Variants in YWHAE observed in about 807,000 individuals in gnomAD.
YWHAE encodes 14-3-3 protein epsilon.
Under a neutral mutation model 30.1 loss-of-function variants are expected in YWHAE, and 4 were observed. The observed-to-expected ratio is 0.13, with a 90% CI of 0.07 to 0.30. The LOEUF (loss-of-function observed/expected upper bound fraction) is 0.30. YWHAE is among the 10% of genes least tolerant of loss of function. YWHAE has a pLI of 1.00. For missense variants in YWHAE, 121 were observed against 315.9 expected (o/e 0.38, Z 4.68); for synonymous variants, 118 against 111.8 (o/e 1.06, Z -0.35).
At chr17:1,392,147 T>C (rs1460960069) in intron 1 of YWHAE, among the ~76,000 whole-genome samples, 1 of 151,794 alleles carries the variant, frequency 6.6e-6, no homozygotes, top group East Asian at 1.9e-4. Flanking sequence ...AATGTGACAC[T>C]GCATCCCAGC....
rs531881684 is a variant in YWHAE at position 1,357,755 on chromosome 17, A to C, written c.578+3337T>G. Among the ~76,000 whole-genome samples, 237 of 151,462 alleles carry C rather than the reference A, an allele frequency of 1.6e-3. 1 individual carries two copies. Among genetic ancestry groups the C allele is most frequent in the African/African-American group, 5.4e-3 (222 of 41,272 alleles). Reference sequence around the variant, plus strand: ...AGCCTGGCCAACACTGTGAAAACCCATCTCTACATAAAAATACAAAAATTA... The same window carrying C: ...AGCCTGGCCAACACTGTGAAAACCCCTCTCTACATAAAAATACAAAAATTA... On this transcript the variant is annotated intron_variant, in intron 4 of 5. Transcript: ENST00000264335.
At chr17:1,354,971 T>TTTG (rs2072705768) in intron 4 of YWHAE, among the ~76,000 whole-genome samples, 1 of 48,866 alleles carries the variant, frequency 2.0e-5, no homozygotes, top group Non-Finnish European at 3.3e-5. Context: ...CTAGTTTTTT[T>TTTG]TTTTTTTTTT....
At chr17:1,386,636 G>A (rs553811995) in intron 1 of YWHAE, among the ~76,000 whole-genome samples, 1 of 152,202 alleles carries the variant, frequency 6.6e-6, no homozygotes, top group African/African-American at 2.4e-5. Context: ...CTATACAGAG[G>A]TACCTCTCCT....
chr17:1,370,165 T>TTG (rs1454112916), intron 1 of YWHAE, among the ~76,000 whole-genome samples: 6 of 134,654 alleles, frequency 4.5e-5, no homozygotes, highest in Admixed American at 1.7e-4. Context: ...TCTCGCTCTG[T>TTG]CACCAGGCTG....
intron 1 of YWHAE, 176 bp downstream of exon 1, chr17:1,399,871 C>T: frequency 1.3e-6 from 1 of 743,506 alleles, no homozygotes; most frequent in Non-Finnish European, 2.3e-6. Context: ...GGTCACATTC[C>T]AGGGCATAGA....
chr17:1,373,174 C>T (rs553318457), intron 1 of YWHAE, among the ~76,000 whole-genome samples: 5 of 151,724 alleles, frequency 3.3e-5, no homozygotes, highest in East Asian at 3.9e-4. Context: ...ACTCAGGAGG[C>T]GGAACTTGCG....
rs1252512460 is a variant in YWHAE, at chr17:1,361,782, A to G, written c.371+120T>C. On this transcript the variant is annotated intron_variant, in intron 3 of 5. Coordinates refer to ENST00000264335, the MANE Select transcript of YWHAE (RefSeq NM_006761.5). ...CCACCTTTTCATTACAATATTAACT[A>G]TCCTTCTAACATTGAACAATTATTC... 30 of 605,502 alleles carry G rather than the reference A, an allele frequency of 5.0e-5. No homozygotes were observed. The Admixed American group carries it at 9.9e-4, about 20-fold the overall frequency. 37.5% of individuals were successfully genotyped at this position (605,502 alleles called of 1,614,324 possible).
chr17:1,387,785 T>C (rs2073321192), intron 1 of YWHAE, among the ~76,000 whole-genome samples: 1 of 149,570 alleles, frequency 6.7e-6, no homozygotes, highest in South Asian at 2.1e-4. Context: ...ACCACGCCCG[T>C]CTAATTTTTT....
At chr17:1,394,916 G>A (rs954441527) in intron 1 of YWHAE, among the ~76,000 whole-genome samples, 2 of 151,850 alleles carry the variant, frequency 1.3e-5, no homozygotes, top group Admixed American at 6.6e-5. Flanking sequence ...GCAGTGAGCC[G>A]AGATCCTACC....
At chr17:1,397,516 C>T (rs1015698495) in intron 1 of YWHAE, among the ~76,000 whole-genome samples, 1 of 152,102 alleles carries the variant, frequency 6.6e-6, no homozygotes, top group Non-Finnish European at 1.5e-5. Flanking sequence ...GAAGTTTAGG[C>T]ACTAATTCAA....
intron 5 of YWHAE, among the ~76,000 whole-genome samples, chr17:1,347,620 G>A (rs1475968771): frequency 9.2e-5 from 14 of 152,104 alleles, no homozygotes; most frequent in Admixed American, 9.2e-4. Flanking sequence ...GTTCTCCAAA[G>A]GACAATAACG....
chr17:1,366,775 C>A (rs1334229597), intron 1 of YWHAE, among the ~76,000 whole-genome samples: 2 of 151,930 alleles, frequency 1.3e-5, no homozygotes, highest in African/African-American at 2.4e-5. Context: ...AAACCCGTCT[C>A]TACTAAAAAT....
chr17:1,361,005 G>T, intron 4 of YWHAE, 87 bp downstream of exon 4: 2 of 1,253,674 alleles, frequency 1.6e-6, no homozygotes, highest in Non-Finnish European at 2.3e-6. Flanking sequence ...AGTCTACAAA[G>T]ACAGGCCCAA....
chr17:1,398,258 G>A (rs951847031), intron 1 of YWHAE, among the ~76,000 whole-genome samples: 2 of 151,818 alleles, frequency 1.3e-5, no homozygotes, highest in South Asian at 2.1e-4. Context: ...TCCAATACAA[G>A]CACATTCATA....
At chr17:1,389,772 C>A (rs1049434475) in intron 1 of YWHAE, among the ~76,000 whole-genome samples, 3 of 151,794 alleles carry the variant, frequency 2.0e-5, no homozygotes, top group Non-Finnish European at 2.9e-5. Context: ...CCTCGTAGTC[C>A]GCCCGCCTCG....
Position 1,345,286 on chromosome 17 carries a change from G to GT in YWHAE, c.*160dup. 29 of 588,104 alleles carry GT rather than the reference G, an allele frequency of 4.9e-5. No individual in the cohort carries two copies. The highest frequency in any genetic ancestry group is 4.1e-4 in the South Asian group (19 of 46,426). 36.4% of individuals were successfully genotyped at this position (588,104 alleles called of 1,614,324 possible). ...TTGCCTTTAAGAACTTTTGAAAACT[G>GT]TTTAAAAAAAAAAAAAAAAAACCAA... is the stretch of plus-strand genomic sequence containing the variant. On this transcript the variant is annotated 3_prime_UTR_variant, in exon 6 of 6. Coordinates refer to ENST00000264335, the MANE Select transcript of YWHAE (RefSeq NM_006761.5).
At chr17:1,365,785 C>A (rs1401628494) in intron 1 of YWHAE, among the ~76,000 whole-genome samples, 1 of 152,146 alleles carries the variant, frequency 6.6e-6, no homozygotes, top group Admixed American at 6.6e-5. Context: ...TCCAACATTA[C>A]CCACGTTTCA....
intron 5 of YWHAE, chr17:1,347,966 TAG>T (rs1214588806): frequency 2.4e-6 from 2 of 850,546 alleles, no homozygotes; most frequent in African/African-American, 1.8e-5. Flanking sequence ...ACTTACAAAG[TAG>T]AGTTTTTAGG....
At chr17:1,362,795 T>A (rs1046437171) in intron 2 of YWHAE, among the ~76,000 whole-genome samples, 5 of 152,002 alleles carry the variant, frequency 3.3e-5, no homozygotes, top group African/African-American at 1.2e-4. Context: ...CACATCCTTA[T>A]CCCAAGCAAA....
Sources: allele counts gnomAD v4.1 joint callset (sites outside exome capture counted in the v4.1 genomes callset), GRCh38; gene constraint gnomAD v4.1.1; transcripts MANE v1.5; gene names NCBI Gene and HGNC (gene_info 2026-07-23, HGNC 2026-07-21).